Variants in PLD5 observed in about 807,000 individuals in gnomAD.
The protein encoded by PLD5 is inactive phospholipase D5.
PLD5 carries 36 observed loss-of-function variants against 61.1 expected under a neutral mutation model. That is an observed-to-expected ratio of 0.59 (90% CI 0.45 to 0.78). PLD5 has a LOEUF of 0.78. Ranked by LOEUF, PLD5 falls within the 30% of genes least tolerant of loss-of-function variation. PLD5 has a pLI of 0.00. For synonymous variants in PLD5, 243 were observed against 242.8 expected (o/e 1.00, Z -0.01); for missense variants, 515 against 644.4 (o/e 0.80, Z 2.17).
chr1:242,280,133 T>C (rs1029932385), intron 3 of PLD5, among the ~76,000 whole-genome samples: 14 of 152,228 alleles, frequency 9.2e-5, no homozygotes, highest in Non-Finnish European at 1.9e-4. Context: ...ACCCATTTTA[T>C]AGAGGGGTAT....
At chr1:242,271,332 T>G (rs1429348528) in intron 3 of PLD5, among the ~76,000 whole-genome samples, 1 of 139,094 alleles carries the variant, frequency 7.2e-6, no homozygotes, top group South Asian at 2.5e-4. Flanking sequence ...AGATTAGGTT[T>G]GCAAATAATA....
chr1:242,300,247 T>C (rs927024320), intron 2 of PLD5, among the ~76,000 whole-genome samples: 3 of 152,084 alleles, frequency 2.0e-5, no homozygotes, highest in Non-Finnish European at 4.4e-5. Context: ...GAAACCAGCC[T>C]GGTCAACATG....
At chr1:242,421,314 TGAC>T (rs1430687097) in intron 1 of PLD5, among the ~76,000 whole-genome samples, 1 of 152,190 alleles carries the variant, frequency 6.6e-6, no homozygotes, top group Non-Finnish European at 1.5e-5. Context: ...AATAAATCAT[TGAC>T]ATTCCAGGCT....
chr1:242,486,768 T>G (rs1667976498), intron 1 of PLD5, among the ~76,000 whole-genome samples: 1 of 152,174 alleles, frequency 6.6e-6, no homozygotes, highest in African/African-American at 2.4e-5. Context: ...ACACGTATGT[T>G]TATTGTGGCA....
intron 5 of PLD5, among the ~76,000 whole-genome samples, chr1:242,159,175 T>A (rs201133257): frequency 2.2e-5 from 1 of 45,684 alleles, no homozygotes; most frequent in Non-Finnish European, 4.0e-5. Flanking sequence ...GAACGCAAAT[T>A]TTTTTATGCT....
At chr1:242,090,601 T>A (rs764442881) in intron 9 of PLD5, among the ~76,000 whole-genome samples, 4 of 152,198 alleles carry the variant, frequency 2.6e-5, no homozygotes, top group Admixed American at 1.3e-4. Context: ...TCGATTGGAC[T>A]AGAAATCATT....
At chr1:242,108,021 T>G (rs4658619) in intron 7 of PLD5, among the ~76,000 whole-genome samples, 182 bp from the exon 8 acceptor site, 90,599 of 151,864 alleles carry the variant, frequency 0.6, 27,226 homozygotes, top group East Asian at 0.74. Flanking sequence ...CAAGAAATGA[T>G]GATTTGCTGG....
chr1:242,382,819 TTA>T (rs200258645), intron 1 of PLD5, among the ~76,000 whole-genome samples: 1,816 of 152,318 alleles, frequency 0.012, 26 homozygotes, highest in South Asian at 0.024. Flanking sequence ...AGAGCTTTAA[TTA>T]TATATGTTTC....
intron 1 of PLD5, among the ~76,000 whole-genome samples, chr1:242,399,280 T>G (rs1235072614): frequency 6.6e-6 from 1 of 152,232 alleles, no homozygotes. Context: ...AGAGGTTTTC[T>G]CAGCGTGAGT....
At chr1:242,117,638 C>T (rs1247187908) in intron 6 of PLD5, among the ~76,000 whole-genome samples, 1 of 152,182 alleles carries the variant, frequency 6.6e-6, no homozygotes, top group Non-Finnish European at 1.5e-5. Flanking sequence ...CTCGGCCTCC[C>T]AAAGTGCTGG....
chr1:242,332,193 A>G (rs1659225769), intron 2 of PLD5, among the ~76,000 whole-genome samples: 1 of 152,104 alleles, frequency 6.6e-6, no homozygotes, highest in Admixed American at 6.5e-5. Context: ...AGCTTCATCC[A>G]TGTCCCTGCA....
At chr1:242,306,738 AAAACACACACACACAC>A (rs1676373567) in intron 2 of PLD5, among the ~76,000 whole-genome samples, 3 of 140,062 alleles carry the variant, frequency 2.1e-5, no homozygotes, top group Non-Finnish European at 4.6e-5. Flanking sequence ...AGAATTTATT[AAAACACACACACACAC>A]ACACACACAC....
intron 2 of PLD5, among the ~76,000 whole-genome samples, chr1:242,294,586 T>C (rs1006716028): frequency 1.3e-5 from 2 of 152,190 alleles, no homozygotes; most frequent in Non-Finnish European, 2.9e-5. Context: ...GGGTTTGTAA[T>C]AAAGTAGACA....
intron 9 of PLD5, among the ~76,000 whole-genome samples, chr1:242,097,901 T>G (rs1660374338): frequency 1.3e-5 from 2 of 152,346 alleles, no homozygotes; most frequent in African/African-American, 4.8e-5. Context: ...AAATCTTTAA[T>G]CCATCTTGAA....
At chr1:242,199,957 T>C (rs1219368481) in intron 5 of PLD5, among the ~76,000 whole-genome samples, 1 of 152,252 alleles carries the variant, frequency 6.6e-6, no homozygotes, top group Non-Finnish European at 1.5e-5. Flanking sequence ...ATTCTGGCTA[T>C]TATGAATACT....
At chr1:242,480,510 C>T (rs896711432) in intron 1 of PLD5, among the ~76,000 whole-genome samples, 1 of 151,896 alleles carries the variant, frequency 6.6e-6, no homozygotes, top group African/African-American at 2.4e-5. Flanking sequence ...AATCAGATGT[C>T]ATCAAAATGG....
chr1:242,526,172 G>A (rs1669440749), upstream of PLD5, among the ~76,000 whole-genome samples: 1 of 152,158 alleles, frequency 6.6e-6, no homozygotes, highest in Admixed American at 6.5e-5. Context: ...GGAGGAGGAG[G>A]CAGGAGGATC....
chr1:242,193,789 A>G (rs1231593135), intron 5 of PLD5, among the ~76,000 whole-genome samples: 2 of 152,222 alleles, frequency 1.3e-5, no homozygotes, highest in Non-Finnish European at 2.9e-5. Context: ...CCCAGGAGTC[A>G]TAATGGCCCC....
intron 1 of PLD5, among the ~76,000 whole-genome samples, chr1:242,459,249 A>T (rs1010845561): frequency 6.6e-6 from 1 of 152,238 alleles, no homozygotes; most frequent in African/African-American, 2.4e-5. Flanking sequence ...GTAAAACGCC[A>T]TTTACAAGGA....
Sources: allele counts gnomAD v4.1 joint callset (sites outside exome capture counted in the v4.1 genomes callset), GRCh38; gene constraint gnomAD v4.1.1; transcripts MANE v1.5; gene names NCBI Gene and HGNC (gene_info 2026-07-23, HGNC 2026-07-21).